The following SNAP91 variants were observed in gnomAD, a reference collection of about 807,000 sequenced individuals.
The protein encoded by SNAP91 is synaptosome associated protein 91, also known as clathrin coat assembly protein AP180.
SNAP91 carries 27 observed loss-of-function variants against 100.3 expected under a neutral mutation model. The ratio of observed to expected loss-of-function variants is 0.27; its 90% CI spans 0.20 to 0.37. The LOEUF (loss-of-function observed/expected upper bound fraction) is 0.37, where lower values mean the gene tolerates loss of function less well. Ranked by LOEUF, SNAP91 falls within the 10% of genes least tolerant of loss-of-function variation. The pLI, the probability that SNAP91 is intolerant of heterozygous loss-of-function variation, is 1.00. For synonymous variants in SNAP91, 404 were observed against 398.6 expected, an observed-to-expected ratio of 1.01 and a Z score of -0.16; for missense variants, 986 against 1,123.7, an observed-to-expected ratio of 0.88 and a Z score of 1.75.
intron 28 of SNAP91, among the ~76,000 whole-genome samples, chr6:83,557,384 G>A (rs1335838440): frequency 6.6e-6 from 1 of 151,960 alleles, no homozygotes; most frequent in African/African-American, 2.4e-5. Context: ...CTGGGATATG[G>A]GCTGGGTGTG....
chr6:83,561,485 A>G (rs1487969392), intron 26 of SNAP91, among the ~76,000 whole-genome samples: 1 of 152,230 alleles, frequency 6.6e-6, no homozygotes, highest in African/African-American at 2.4e-5. Context: ...CAATGATATA[A>G]ACAAGACTAC....
At chr6:83,674,740 T>TA (rs2098836863) in intron 2 of SNAP91, among the ~76,000 whole-genome samples, 1 of 152,164 alleles carries the variant, frequency 6.6e-6, no homozygotes, top group Non-Finnish European at 1.5e-5. Flanking sequence ...TAATGGGTTA[T>TA]ATTTCGGGAA....
chr6:83,643,616 T>G (rs543427206), intron 7 of SNAP91, among the ~76,000 whole-genome samples: 1 of 152,306 alleles, frequency 6.6e-6, no homozygotes, highest in East Asian at 1.9e-4. Context: ...GTCTCATACT[T>G]GAGAGTTATT....
chr6:83,643,829 A>G (rs996312651), intron 7 of SNAP91, among the ~76,000 whole-genome samples: 1 of 152,188 alleles, frequency 6.6e-6, no homozygotes, highest in African/African-American at 2.4e-5. Context: ...TCAAGAAAAC[A>G]GACACATACT....
intron 26 of SNAP91, among the ~76,000 whole-genome samples, chr6:83,568,314 G>C (rs2127991654): frequency 6.6e-6 from 1 of 152,158 alleles, no homozygotes; most frequent in African/African-American, 2.4e-5. Context: ...TTGGACACAG[G>C]AAGGGGAACA....
At chr6:83,574,920 C>T (rs948947744) in intron 26 of SNAP91, 90 bp downstream of exon 26, 10 of 768,152 alleles carry the variant, frequency 1.3e-5, no homozygotes, top group South Asian at 3.3e-5. Flanking sequence ...AGTACACCGT[C>T]GGCAGCAAAG....
intron 8 of SNAP91, among the ~76,000 whole-genome samples, chr6:83,630,184 C>A (rs1430615583): frequency 1.3e-5 from 2 of 152,136 alleles, no homozygotes; most frequent in East Asian, 3.8e-4. Context: ...ACCTTCCCTG[C>A]ATCCCTGGTA....
intron 12 of SNAP91, among the ~76,000 whole-genome samples, chr6:83,610,244 G>A (rs986564386): frequency 4.6e-5 from 7 of 152,016 alleles, no homozygotes; most frequent in Non-Finnish European, 7.4e-5. Flanking sequence ...ATAAAGTGTG[G>A]TATATACATA....
rs924704983 is a variant in SNAP91, at chr6:83,585,000, ATAAT to A, written c.2015-2648_2015-2645del. Among the ~76,000 whole-genome samples the A allele has an allele frequency of 1.6e-4, 25 of 152,312 alleles. 1 individual carries two copies. The highest frequency in any genetic ancestry group is 6.0e-4 in the African/African-American group (25 of 41,574). ...AAGTAAGTGCCCTCACAAGCCTAGA[ATAAT>A]TAAACAGCTATTAAGTGATATAAAA... is the stretch of plus-strand genomic sequence containing the variant. On this transcript the variant is annotated intron_variant, in intron 22 of 29. Coordinates refer to ENST00000369694, the MANE Select transcript of SNAP91 (RefSeq NM_001242792.2).
intron 8 of SNAP91, among the ~76,000 whole-genome samples, chr6:83,626,772 G>A (rs1275997781): frequency 6.6e-6 from 1 of 152,032 alleles, no homozygotes; most frequent in East Asian, 1.9e-4. Context: ...GGAATCTTGA[G>A]GATTTTCTAG....
intron 9 of SNAP91, among the ~76,000 whole-genome samples, chr6:83,623,006 T>C (rs1012606875): frequency 3.3e-5 from 5 of 152,124 alleles, no homozygotes; most frequent in Admixed American, 3.3e-4. Flanking sequence ...GCATTTCTAT[T>C]AACATTATTC....
chr6:83,574,670 A>G (rs889185075), intron 26 of SNAP91, among the ~76,000 whole-genome samples: 1 of 152,120 alleles, frequency 6.6e-6, no homozygotes, highest in African/African-American at 2.4e-5. Context: ...GGAAGTATAA[A>G]TATTAATTAA....
intron 26 of SNAP91, among the ~76,000 whole-genome samples, chr6:83,562,373 T>C (rs934817251): frequency 2.0e-5 from 3 of 152,222 alleles, no homozygotes; most frequent in Non-Finnish European, 4.4e-5. Context: ...GTTGGCTTAA[T>C]ATATGAAAAT....
At chr6:83,587,320 A>G (rs1183237667) in intron 22 of SNAP91, among the ~76,000 whole-genome samples, 1 of 152,112 alleles carries the variant, frequency 6.6e-6, no homozygotes, top group Non-Finnish European at 1.5e-5. Context: ...TTCCCTTTGA[A>G]CAGTCTAAAC....
chr6:83,673,522 A>C (rs577977799), intron 2 of SNAP91, among the ~76,000 whole-genome samples: 3 of 152,148 alleles, frequency 2.0e-5, no homozygotes, highest in Non-Finnish European at 4.4e-5. Context: ...CCTGCAAACT[A>C]ATATCCATTG....
intron 2 of SNAP91, among the ~76,000 whole-genome samples, chr6:83,693,064 G>GTT (rs1237376490): frequency 6.6e-6 from 1 of 152,142 alleles, no homozygotes; most frequent in East Asian, 1.9e-4. Flanking sequence ...TGTTTTAACT[G>GTT]TTTTTGTTTT....
intron 2 of SNAP91, chr6:83,678,691 C>T (rs1490359096): frequency 4.3e-6 from 5 of 1,175,064 alleles, no homozygotes; most frequent in Non-Finnish European, 5.7e-6. Flanking sequence ...TAACCTTCTA[C>T]CTTCCACTCC....
At chr6:83,577,126 G>A (rs1663384727) in intron 24 of SNAP91, among the ~76,000 whole-genome samples, 1 of 152,150 alleles carries the variant, frequency 6.6e-6, no homozygotes, top group African/African-American at 2.4e-5. Flanking sequence ...AGGGTGCTTG[G>A]GGAAGGATTC....
chr6:83,662,281 G>C lies in SNAP91; in HGVS notation c.349+66C>G, dbSNP rs956814990. 5 of 564,280 alleles carry C rather than the reference G, an allele frequency of 8.9e-6. No homozygotes were observed. In the African/African-American group the frequency reaches 9.8e-5, roughly 11 times the overall value. 35.0% of individuals were successfully genotyped at this position (564,280 alleles called of 1,614,324 possible). ...TGAAGCTATCAGTTGCAATGATTTT[G>C]GATTAATAGCCTCACTTCAAAAATC... is the stretch of plus-strand genomic sequence containing the variant. On this transcript the variant is annotated intron_variant, in intron 4 of 29. Transcript: ENST00000369694.
Sources: allele counts gnomAD v4.1 joint callset (sites outside exome capture counted in the v4.1 genomes callset), GRCh38; gene constraint gnomAD v4.1.1; transcripts MANE v1.5; gene names NCBI Gene and HGNC (gene_info 2026-07-23, HGNC 2026-07-21).